The following NFAM1 variants were observed in gnomAD, a reference collection of about 807,000 sequenced individuals.
The protein encoded by NFAM1 is NFAT activation molecule 1.
A neutral mutation model predicts 29.0 loss-of-function variants in NFAM1; 17 were observed. That is an observed-to-expected ratio of 0.59 (90% confidence interval 0.40 to 0.88). The LOEUF is 0.88. Ranked by LOEUF, NFAM1 falls within the 40% of genes least tolerant of loss-of-function variation. The pLI, the probability that NFAM1 is intolerant of heterozygous loss-of-function variation, is 0.00. For missense variants in NFAM1, 324 were observed against 344.6 expected, an observed-to-expected ratio of 0.94 and a Z score of 0.47; for synonymous variants, 175 against 147.2, an observed-to-expected ratio of 1.19 and a Z score of -1.36.
In NFAM1 at chr22:42,383,964, G is replaced by A. The variant is rs1263555279; in HGVS notation, c.*1197C>T. The A allele has an allele frequency of 6.5e-6, 1 of 152,792 alleles. No individual in the cohort carries two copies. The highest frequency in any genetic ancestry group is 1.5e-5 in the Non-Finnish European group (1 of 68,152). 9.5% of individuals were successfully genotyped at this position (152,792 alleles called of 1,614,324 possible). ...GGCCACGGTGCAGGGCTACTGCGAG[G>A]AGGAAATGAGGGTGATGTGGGCACC... On this transcript the variant is annotated 3_prime_UTR_variant, in exon 6 of 6. Coordinates refer to ENST00000329021, the MANE Select transcript of NFAM1 (RefSeq NM_145912.8).
At chr22:42,422,755 G>A (rs1930488433) in intron 1 of NFAM1, among the ~76,000 whole-genome samples, 1 of 152,142 alleles carries the variant, frequency 6.6e-6, no homozygotes, top group African/African-American at 2.4e-5. Flanking sequence ...GTGGAAGGTG[G>A]CAATAGGGCC....
intron 1 of NFAM1, among the ~76,000 whole-genome samples, chr22:42,417,404 C>A (rs1930295381): frequency 1.3e-5 from 2 of 152,196 alleles, no homozygotes; most frequent in South Asian, 4.1e-4. Flanking sequence ...TTCTCCAGGT[C>A]CCATGGGATC....
chr22:42,422,608 A>G (rs1930483664), intron 1 of NFAM1, among the ~76,000 whole-genome samples: 1 of 152,024 alleles, frequency 6.6e-6, no homozygotes, highest in African/African-American at 2.4e-5. Context: ...TCAAAACAAA[A>G]ACAAAAAAAG....
chr22:42,409,366 G>A lies in NFAM1; in HGVS notation c.564+69C>T. On this transcript the variant is annotated intron_variant, in intron 3 of 5. Transcript: ENST00000329021. This position sits in a 1 kb window ranked among gnomAD's most constrained non-coding sequence, Gnocchi z 4.9. The stretch of plus-strand genomic sequence containing the variant: ...ACCAGGGCCCACCAAACGCCCTGCA[G>A]AGGGCAGGCGGGCAGCCGGTGGCGT... The A allele has an allele frequency of 1.2e-6, 1 of 826,562 alleles. No homozygotes were observed. The allele number at this position is 826,562 out of a possible 1,614,324, so 51.2% of individuals were successfully genotyped here. A position where few individuals can be genotyped will look rare whatever the true frequency, so the allele number is the denominator to read the frequency against.
chr22:42,387,179 GC>G, intron 4 of NFAM1, 101 bp from the exon 5 acceptor site: 1 of 638,590 alleles, frequency 1.6e-6, no homozygotes, highest in Non-Finnish European at 2.6e-6. Context: ...CACCGTGGGA[GC>G]CCAGGGGAGG....
At chr22:42,391,184 C>T (rs1215022790) in intron 4 of NFAM1, among the ~76,000 whole-genome samples, 2 of 152,222 alleles carry the variant, frequency 1.3e-5, no homozygotes, top group Non-Finnish European at 2.9e-5. Context: ...CAGTCTTCCC[C>T]AGCCCCTTCC....
chr22:42,413,632 A>G (rs1340881604), intron 1 of NFAM1, among the ~76,000 whole-genome samples: 1 of 152,076 alleles, frequency 6.6e-6, no homozygotes, highest in Non-Finnish European at 1.5e-5. Context: ...AAAAAAAGAA[A>G]AAAAAATCAG....
At chr22:42,394,104 T>C (rs1283522418) in intron 4 of NFAM1, among the ~76,000 whole-genome samples, 1 of 151,186 alleles carries the variant, frequency 6.6e-6, no homozygotes, top group Non-Finnish European at 1.5e-5. Context: ...GGCGCAATCT[T>C]GGTTCACCGC....
At chr22:42,418,702 T>A (rs911253619) in intron 1 of NFAM1, among the ~76,000 whole-genome samples, 5 of 151,632 alleles carry the variant, frequency 3.3e-5, no homozygotes, top group South Asian at 2.1e-4. Flanking sequence ...TTTTTTTTTT[T>A]AAAAGGCAAA....
intron 1 of NFAM1, among the ~76,000 whole-genome samples, chr22:42,412,958 A>T (rs777280678): frequency 2.6e-4 from 40 of 152,132 alleles, no homozygotes; most frequent in Non-Finnish European, 5.1e-4. Context: ...AAAATTCCCA[A>T]AGCAGCAGCC....
chr22:42,427,645 G>A (rs1404787428), intron 1 of NFAM1, among the ~76,000 whole-genome samples: 1 of 152,178 alleles, frequency 6.6e-6, no homozygotes, highest in Non-Finnish European at 1.5e-5. Context: ...TTCAACTCTT[G>A]CTCTATCTAT....
intron 5 of NFAM1, among the ~76,000 whole-genome samples, chr22:42,386,424 C>CAAA (rs1929147002): frequency 8.6e-6 from 1 of 116,346 alleles, no homozygotes; most frequent in Non-Finnish European, 1.7e-5. Flanking sequence ...CACACACACA[C>CAAA]ACAAAACAAA....
intron 3 of NFAM1, among the ~76,000 whole-genome samples, chr22:42,404,692 C>T (rs1929834388): frequency 6.6e-6 from 1 of 152,044 alleles, no homozygotes; most frequent in Non-Finnish European, 1.5e-5. Flanking sequence ...CCAGTCTCTA[C>T]TAAAAATACA....
intron 5 of NFAM1, among the ~76,000 whole-genome samples, chr22:42,386,247 G>A (rs141003859): frequency 4.6e-5 from 7 of 152,004 alleles, no homozygotes; most frequent in Admixed American, 2.6e-4. Context: ...AGGGGCGGGC[G>A]CCTGTAATCC....
intron 1 of NFAM1, among the ~76,000 whole-genome samples, chr22:42,418,688 GTT>G (rs555827191): frequency 6.9e-6 from 1 of 144,886 alleles, no homozygotes. Flanking sequence ...AGCTATCTCT[GTT>G]TTTTTTTTTT....
chr22:42,398,077 C>T (rs1929593692), intron 3 of NFAM1, 121 bp from the exon 4 acceptor site: 1 of 588,156 alleles, frequency 1.7e-6, no homozygotes, highest in Non-Finnish European at 3.0e-6. Context: ...ATCACTCAGT[C>T]CCTCCCACTC....
At chr22:42,400,063 G>A (rs967051483) in intron 3 of NFAM1, among the ~76,000 whole-genome samples, 2 of 152,176 alleles carry the variant, frequency 1.3e-5, no homozygotes, top group African/African-American at 4.8e-5. Context: ...CTCAGAGAAG[G>A]CAGGTGACTT....
intron 4 of NFAM1, among the ~76,000 whole-genome samples, chr22:42,394,239 T>G (rs1165337936): frequency 3.9e-5 from 6 of 151,972 alleles, no homozygotes; most frequent in Admixed American, 3.9e-4. Flanking sequence ...GGTTTCTCCA[T>G]GTTGGTCAGG....
intron 1 of NFAM1, among the ~76,000 whole-genome samples, chr22:42,416,793 G>A (rs1028897476): frequency 4.6e-5 from 7 of 152,208 alleles, no homozygotes; most frequent in Non-Finnish European, 8.8e-5. Context: ...ATCATGCTTT[G>A]TCCCTTTTCT....
Sources: gnomAD v4.1 joint callset for allele counts (sites outside exome capture counted in the v4.1 genomes callset) on GRCh38, gnomAD v4.1.1 for gene constraint, Gnocchi (gnomAD v3.1) non-coding constraint, MANE v1.5 for transcripts, NCBI Gene and HGNC (gene_info 2026-07-23, HGNC 2026-07-21) for gene names.